The following L3MBTL4 variants were observed in gnomAD, a reference collection of about 807,000 sequenced individuals.
L3MBTL4 encodes L3MBTL histone methyl-lysine binding protein 4.
Under a neutral mutation model 84.5 loss-of-function variants are expected in L3MBTL4, and 70 were observed. The ratio of observed to expected loss-of-function variants is 0.83; its 90% CI spans 0.68 to 1.01. L3MBTL4 has a LOEUF of 1.01. L3MBTL4 is among the 50% of genes least tolerant of loss of function. L3MBTL4 has a pLI of 0.00. For synonymous variants in L3MBTL4, 274 were observed against 259.8 expected (o/e 1.05, Z -0.52); for missense variants, 715 against 754.8 (o/e 0.95, Z 0.62).
intron 18 of L3MBTL4, among the ~76,000 whole-genome samples, chr18:5,957,058 G>A (rs1047869261): frequency 1.3e-5 from 2 of 152,160 alleles, no homozygotes; most frequent in Non-Finnish European, 2.9e-5. Flanking sequence ...AATGTTAACT[G>A]AAATTATCTT....
intron 1 of L3MBTL4, among the ~76,000 whole-genome samples, chr18:6,355,917 G>A (rs2053424794): frequency 6.6e-6 from 1 of 151,818 alleles, no homozygotes; most frequent in African/African-American, 2.4e-5. Flanking sequence ...ACCAGCGTGT[G>A]CATGATTCAT....
At chr18:6,091,083 A>AT (rs1298528839) in intron 15 of L3MBTL4, among the ~76,000 whole-genome samples, 1 of 152,194 alleles carries the variant, frequency 6.6e-6, no homozygotes, top group Non-Finnish European at 1.5e-5. Flanking sequence ...CCTGTATCTA[A>AT]TAGCTAGTGA....
chr18:6,347,386 G>C (rs567530738), intron 1 of L3MBTL4, among the ~76,000 whole-genome samples: 1 of 151,856 alleles, frequency 6.6e-6, no homozygotes, highest in East Asian at 1.9e-4. Context: ...TAAAAAGAGA[G>C]TAAGAGAAAA....
At chr18:6,253,663 C>T (rs1292198990) in intron 5 of L3MBTL4, among the ~76,000 whole-genome samples, 1 of 152,246 alleles carries the variant, frequency 6.6e-6, no homozygotes, top group Non-Finnish European at 1.5e-5. Context: ...TCATGGGAAG[C>T]TCATGGACAA....
chr18:6,361,656 CT>C (rs1361177318), intron 1 of L3MBTL4, among the ~76,000 whole-genome samples: 4 of 152,298 alleles, frequency 2.6e-5, no homozygotes, highest in African/African-American at 9.6e-5. Context: ...TGAAGGCGAT[CT>C]TTAAAGAGAC....
intron 16 of L3MBTL4, among the ~76,000 whole-genome samples, chr18:6,063,531 GT>G (rs1434410366): frequency 6.6e-6 from 1 of 151,474 alleles, no homozygotes; most frequent in Non-Finnish European, 1.5e-5. Flanking sequence ...AACATCTATT[GT>G]TTTTTTGACT....
intron 16 of L3MBTL4, among the ~76,000 whole-genome samples, chr18:6,052,227 T>C (rs1243308600): frequency 6.6e-6 from 1 of 152,224 alleles, no homozygotes; most frequent in Non-Finnish European, 1.5e-5. Flanking sequence ...ATTATGAATA[T>C]ACATAGCTAC....
chr18:5,991,396 A>G (rs2053692058), intron 16 of L3MBTL4, among the ~76,000 whole-genome samples: 1 of 152,202 alleles, frequency 6.6e-6, no homozygotes, highest in African/African-American at 2.4e-5. Context: ...TCTCTTATTC[A>G]GTCCTCAAGA....
In L3MBTL4 at chr18:6,082,235, T is replaced by C. The variant is rs566447746; in HGVS notation, c.1374-1284A>G. 10 of 152,174 alleles carry C rather than the reference T, an allele frequency of 6.6e-5. No individual in the cohort carries two copies. In the East Asian group the frequency reaches 1.7e-3, roughly 26 times the overall value. The allele number at this position is 152,174 out of a possible 1,614,324, so 9.4% of individuals were successfully genotyped here. ...TGCATCATGGACGTGCATAAGAATA[T>C]GTGTAATATTCTCATCGATTCAATA... On this transcript the variant is annotated intron_variant, in intron 15 of 18. Transcript: ENST00000317931.
chr18:6,123,917 T>C (rs113876240), intron 14 of L3MBTL4, among the ~76,000 whole-genome samples: 2,401 of 152,320 alleles, frequency 0.016, 70 homozygotes, highest in African/African-American at 0.055. Flanking sequence ...GTTTATGTGT[T>C]GGGATCAACG....
chr18:5,958,410 T>C (rs1301440987), intron 18 of L3MBTL4, among the ~76,000 whole-genome samples: 2 of 152,276 alleles, frequency 1.3e-5, no homozygotes, highest in East Asian at 1.9e-4. Context: ...CCTACATCCA[T>C]ACCCTGACCT....
chr18:6,025,383 A>G (rs1355165952), intron 16 of L3MBTL4: 1 of 152,260 alleles, frequency 6.6e-6, no homozygotes, highest in African/African-American at 2.4e-5. Flanking sequence ...GCATCGAATG[A>G]AAACCAAGGT....
chr18:6,033,067 T>C (rs865799768), intron 16 of L3MBTL4, among the ~76,000 whole-genome samples: 3 of 152,240 alleles, frequency 2.0e-5, no homozygotes, highest in Admixed American at 6.5e-5. Flanking sequence ...TATTTCCTTA[T>C]GTATGTGTGA....
chr18:6,187,458 C>A (rs1373605882), intron 12 of L3MBTL4, among the ~76,000 whole-genome samples: 1 of 152,102 alleles, frequency 6.6e-6, no homozygotes, highest in Non-Finnish European at 1.5e-5. Context: ...ATATTCACCT[C>A]CTATGAAGTG....
rs144347901 is a variant in L3MBTL4 at position 6,172,993 on chromosome 18, T to C, written c.982-1051A>G. 3.2e-3 allele frequency among the ~76,000 whole-genome samples: 494 copies of C among 152,304 alleles called. 2 individuals are homozygous for C. The highest frequency in any genetic ancestry group is 0.011 in the African/African-American group (460 of 41,568). ...TTTTCAAAGTGTGATTCTTAGACTA[T>C]CAGCATCACCGACCTAGGCACTTGT... On this transcript the variant is annotated intron_variant, in intron 12 of 18. Coordinates refer to ENST00000317931, the MANE Select transcript of L3MBTL4 (RefSeq NM_001330559.2).
intron 16 of L3MBTL4, chr18:6,031,158 T>G (rs1165325639): frequency 1.0e-6 from 1 of 985,342 alleles, no homozygotes; most frequent in East Asian, 1.1e-4. Flanking sequence ...TTGTCCTGAT[T>G]TATGCTCCTC....
intron 13 of L3MBTL4, among the ~76,000 whole-genome samples, chr18:6,146,269 G>T (rs2144755450): frequency 6.6e-6 from 1 of 152,318 alleles, no homozygotes; most frequent in East Asian, 1.9e-4. Flanking sequence ...GCCCTTCAGA[G>T]CCCACACAGG....
intron 17 of L3MBTL4, among the ~76,000 whole-genome samples, chr18:5,963,516 T>C (rs1281788866): frequency 1.3e-5 from 2 of 152,186 alleles, no homozygotes; most frequent in Non-Finnish European, 2.9e-5. Flanking sequence ...CTGGCCACCC[T>C]CCTCGGCTTC....
intron 17 of L3MBTL4, among the ~76,000 whole-genome samples, chr18:5,961,628 A>G (rs1399959779): frequency 6.6e-6 from 1 of 152,214 alleles, no homozygotes; most frequent in Non-Finnish European, 1.5e-5. Flanking sequence ...TATTGTTGTC[A>G]TGCAAGGACA....
Sources: gnomAD v4.1 joint callset for allele counts (sites outside exome capture counted in the v4.1 genomes callset) on GRCh38, gnomAD v4.1.1 for gene constraint, MANE v1.5 for transcripts, NCBI Gene and HGNC (gene_info 2026-07-23, HGNC 2026-07-21) for gene names.